TNS3: variants seen among roughly 807,000 people sequenced by gnomAD.
TNS3 encodes tensin-3.
Under a neutral mutation model 140.9 loss-of-function variants are expected in TNS3, and 45 were observed. The observed-to-expected ratio is 0.32, with a 90% confidence interval of 0.25 to 0.41. TNS3 has a LOEUF of 0.41. Among genes scored for constraint, TNS3 ranks in the 10% least tolerant of loss-of-function variants. The pLI is 1.00. For missense variants in TNS3, 1,716 were observed against 1,906.7 expected (o/e 0.90, Z 1.86); for synonymous variants, 815 against 788.4 (o/e 1.03, Z -0.56).
chr7:47,443,314 C>G (rs963138698), intron 4 of TNS3, among the ~76,000 whole-genome samples: 1 of 152,168 alleles, frequency 6.6e-6, no homozygotes, highest in African/African-American at 2.4e-5. Context: ...GGCCACTGCC[C>G]GTGCTGGGCA....
intron 1 of TNS3, among the ~76,000 whole-genome samples, chr7:47,564,641 A>AAAAAAAG (rs1800387660): frequency 2.3e-5 from 1 of 44,154 alleles, no homozygotes; most frequent in African/African-American, 7.6e-5. Context: ...GTCTCAAAAA[A>AAAAAAAG]AAAAAAAACA....
chr7:47,360,009 C>G (rs1790223623), intron 17 of TNS3, among the ~76,000 whole-genome samples: 1 of 152,202 alleles, frequency 6.6e-6, no homozygotes, highest in African/African-American at 2.4e-5. Context: ...GGGTGGGAAA[C>G]CAAGGCCCCC....
At chr7:47,343,953 TG>T (rs985434889) in intron 20 of TNS3, among the ~76,000 whole-genome samples, 2 of 152,094 alleles carry the variant, frequency 1.3e-5, no homozygotes, top group African/African-American at 4.8e-5. Flanking sequence ...ACAACACTCC[TG>T]GGTAAGGGGT....
chr7:47,329,383 C>T (rs1788205974), intron 20 of TNS3, among the ~76,000 whole-genome samples: 1 of 152,200 alleles, frequency 6.6e-6, no homozygotes. Context: ...CACGCCTGTG[C>T]TTCCAGCACA....
chr7:47,464,443 G>A (rs772670986), intron 4 of TNS3, among the ~76,000 whole-genome samples: 3 of 152,018 alleles, frequency 2.0e-5, no homozygotes, highest in Non-Finnish European at 4.4e-5. Context: ...GTAACCCTAC[G>A]CCCCGAGCAC....
chr7:47,505,572 C>CT (rs1283202241), intron 3 of TNS3, among the ~76,000 whole-genome samples: 1 of 152,110 alleles, frequency 6.6e-6, no homozygotes, highest in Non-Finnish European at 1.5e-5. Context: ...ACAGGGGCTG[C>CT]TGGTCTGGGG....
chr7:47,527,903 T>C (rs1311460374), intron 2 of TNS3, among the ~76,000 whole-genome samples: 1 of 148,208 alleles, frequency 6.7e-6, no homozygotes, highest in Non-Finnish European at 1.5e-5. Flanking sequence ...CGAGACCCTG[T>C]CTCCAAAAAA....
chr7:47,488,367 G>T (rs545398500), intron 3 of TNS3, among the ~76,000 whole-genome samples: 1 of 152,304 alleles, frequency 6.6e-6, no homozygotes, highest in East Asian at 1.9e-4. Flanking sequence ...ACATACCACA[G>T]AATGGGCAGC....
At chr7:47,523,940 G>A (rs1185285773) in intron 2 of TNS3, among the ~76,000 whole-genome samples, 3 of 152,230 alleles carry the variant, frequency 2.0e-5, no homozygotes, top group South Asian at 2.1e-4. Flanking sequence ...GGAGAGCAAG[G>A]AGTGAGGGAG....
At chr7:47,410,815 T>A (rs192644521) in intron 13 of TNS3, among the ~76,000 whole-genome samples, 47 of 152,326 alleles carry the variant, frequency 3.1e-4, no homozygotes, top group Non-Finnish European at 5.9e-5. Context: ...ATGCTGAAAG[T>A]CATACATATG....
intron 4 of TNS3, among the ~76,000 whole-genome samples, chr7:47,466,650 A>G (rs543443936): frequency 3.3e-5 from 5 of 152,142 alleles, no homozygotes; most frequent in Admixed American, 6.5e-5. Context: ...GGACTTGGCT[A>G]GGGTGAGGAC....
rs1303902480 is a variant in TNS3 at position 47,275,620 on chromosome 7, C to CA, written c.*2455dup. On this transcript the variant is annotated 3_prime_UTR_variant, in exon 31 of 31. Transcript: ENST00000311160. The stretch of plus-strand genomic sequence containing the variant: ...CCACAGTACAATCTGTGATGACACA[C>CA]AGCTTGTTCTGTTTAATGCACATGT... The CA allele has an allele frequency of 5.9e-5, 21 of 354,970 alleles. No homozygotes were observed. The highest frequency in any genetic ancestry group is 4.3e-4 in the African/African-American group (20 of 46,850). 22.0% of individuals were successfully genotyped at this position (354,970 alleles called of 1,614,324 possible). A position where few individuals can be genotyped will look rare whatever the true frequency, so the allele number is the denominator to read the frequency against.
chr7:47,498,436 C>A (rs1234352335), intron 3 of TNS3, among the ~76,000 whole-genome samples: 3 of 152,184 alleles, frequency 2.0e-5, no homozygotes, highest in African/African-American at 7.2e-5. Flanking sequence ...TGCAGAGCTG[C>A]TAATTAGGTT....
At chr7:47,433,241 G>A (rs1795010508) in intron 8 of TNS3, among the ~76,000 whole-genome samples, 1 of 152,262 alleles carries the variant, frequency 6.6e-6, no homozygotes, top group South Asian at 2.1e-4. Flanking sequence ...TTCGCCAAAT[G>A]TCAGCGATTT....
intron 20 of TNS3, among the ~76,000 whole-genome samples, chr7:47,324,499 C>T (rs1378357999): frequency 6.6e-6 from 1 of 152,212 alleles, no homozygotes; most frequent in Non-Finnish European, 1.5e-5. Context: ...CGCCTGTAAT[C>T]CCAGCACTTT....
chr7:47,577,828 C>T (rs896500546), intron 1 of TNS3, among the ~76,000 whole-genome samples: 5 of 152,064 alleles, frequency 3.3e-5, no homozygotes, highest in African/African-American at 7.2e-5. Context: ...TCCTGCCCAG[C>T]GCTGGGGTGG....
At chr7:47,573,605 T>C (rs967323766) in intron 1 of TNS3, among the ~76,000 whole-genome samples, 4 of 152,040 alleles carry the variant, frequency 2.6e-5, no homozygotes, top group African/African-American at 4.8e-5. Context: ...TTCTGCAAAG[T>C]CGCCCAGGAT....
intron 10 of TNS3, among the ~76,000 whole-genome samples, chr7:47,416,768 A>T (rs115244718): frequency 9.8e-4 from 150 of 152,304 alleles, no homozygotes; most frequent in African/African-American, 3.5e-3. Context: ...CATGAATTGT[A>T]TATGTTTAAT....
chr7:47,570,082 G>A (rs535652794), intron 1 of TNS3, among the ~76,000 whole-genome samples: 2 of 152,320 alleles, frequency 1.3e-5, no homozygotes, highest in East Asian at 3.9e-4. Flanking sequence ...CCTAGGAGGC[G>A]GAGGTTGCAG....
Sources: gnomAD v4.1 joint callset for allele counts (sites outside exome capture counted in the v4.1 genomes callset) on GRCh38, gnomAD v4.1.1 for gene constraint, MANE v1.5 for transcripts, NCBI Gene and HGNC (gene_info 2026-07-23, HGNC 2026-07-21) for gene names.